The following FANCL variants were observed in gnomAD, a reference collection of about 807,000 sequenced individuals.
The protein encoded by FANCL is FA complementation group L.
A neutral mutation model predicts 59.4 loss-of-function variants in FANCL; 69 were observed. That is an observed-to-expected ratio of 1.16 (90% CI 0.96 to 1.42). The LOEUF (loss-of-function observed/expected upper bound fraction) is 1.42. Among genes scored for constraint, FANCL ranks in the 40% most tolerant of loss-of-function variants. The pLI is 0.00. For synonymous variants in FANCL, 180 were observed against 147.1 expected, an observed-to-expected ratio of 1.22 and a Z score of -1.62; for missense variants, 519 against 447.2, an observed-to-expected ratio of 1.16 and a Z score of -1.45.
chr2:58,221,967 C>G lies in FANCL; in HGVS notation c.349G>C (p.Glu117Gln). The G allele has an allele frequency of 1.2e-6, 2 of 1,612,998 alleles. No individual in the cohort carries two copies. Among genetic ancestry groups the G allele is most frequent in the Non-Finnish European group, 8.5e-7 (1 of 1,179,094 alleles). ...TTATCCCAACCAAGAGTTCCTATCT[C>G]TTCAATAAGGCTTGAGTAGAACTGG... ...PPQFYSSLIE[E>Q]IGTLGWDKLV... is the part of the protein sequence containing the mutation. The change falls in exon 5 of 14, where the codon GAG becomes CAG. Residue 117 changes from glutamate (E) to glutamine (Q), a missense_variant. Glu to Gln is a conservative substitution (Grantham distance 29). Coordinates refer to ENST00000233741, the MANE Select transcript of FANCL (RefSeq NM_018062.4).
chr2:58,208,091 G>A (rs1238932921), intron 5 of FANCL, among the ~76,000 whole-genome samples: 1 of 151,996 alleles, frequency 6.6e-6, no homozygotes. Flanking sequence ...TAAGTTGGAC[G>A]TCTCACTTTA....
chr2:58,171,909 T>C (rs905474767), intron 7 of FANCL, among the ~76,000 whole-genome samples: 2 of 152,160 alleles, frequency 1.3e-5, no homozygotes, highest in African/African-American at 4.8e-5. Flanking sequence ...ACCCCAATAC[T>C]GCGCTTTTCC....
intron 7 of FANCL, among the ~76,000 whole-genome samples, chr2:58,167,423 C>G (rs1353497535): frequency 6.6e-6 from 1 of 151,874 alleles, no homozygotes; most frequent in Non-Finnish European, 1.5e-5. Context: ...CTTTCTCTGT[C>G]TGTTTCTACA....
intron 2 of FANCL, 77 bp from the exon 3 acceptor site, chr2:58,229,951 C>T (rs1358355566): frequency 2.1e-6 from 2 of 950,760 alleles, no homozygotes; most frequent in East Asian, 4.9e-5. Context: ...CACAAACATG[C>T]ATGTACATAC....
intron 7 of FANCL, among the ~76,000 whole-genome samples, chr2:58,172,171 C>G (rs545926923): frequency 0.012 from 1,779 of 152,322 alleles, 31 homozygotes; most frequent in African/African-American, 0.04. Flanking sequence ...TCTGGGGACA[C>G]GGCACAGACA....
intron 7 of FANCL, among the ~76,000 whole-genome samples, chr2:58,193,880 C>CAGTT (rs1255593639): frequency 6.6e-6 from 1 of 152,112 alleles, no homozygotes; most frequent in Non-Finnish European, 1.5e-5. Context: ...AGGCAAAGGG[C>CAGTT]AGTTATGTGA....
At chr2:58,162,986 T>C in intron 10 of FANCL, 39 bp from the exon 11 acceptor site, 3 of 1,612,298 alleles carry the variant, frequency 1.9e-6, no homozygotes, top group Non-Finnish European at 2.5e-6. Flanking sequence ...GTGAACTTTG[T>C]AAAATCACCA....
At position 58,232,048 on chromosome 2, in the gene FANCL, T is replaced by C. The variant is rs1693636304; in HGVS notation, c.155+6A>G. The C allele has an allele frequency of 1.9e-6, 3 of 1,612,638 alleles. No individual in the cohort carries two copies. The highest frequency in any genetic ancestry group is 2.2e-5 in the East Asian group (1 of 44,788). ...AATGCACGTTTATAACTAAACACCA[T>C]ATCACCTTGCATTCTTCAGTTGTAA... On this transcript the variant is annotated splice_donor_region_variant and intron_variant, in intron 2 of 13. Coordinates refer to ENST00000233741, the MANE Select transcript of FANCL (RefSeq NM_018062.4).
intron 5 of FANCL, among the ~76,000 whole-genome samples, chr2:58,214,700 C>T (rs953667622): frequency 5.3e-5 from 8 of 151,896 alleles, no homozygotes; most frequent in African/African-American, 1.2e-4. Flanking sequence ...TTTGTAGACA[C>T]GGGGTTTCAC....
chr2:58,159,492 CAAG>C lies in FANCL; in HGVS notation c.*270_*272del, dbSNP rs747900495. 6.8e-6 allele frequency: 11 copies of C among 1,613,698 alleles called. No individual in the cohort carries two copies. Among genetic ancestry groups the C allele is most frequent in the Non-Finnish European group, 9.3e-6 (11 of 1,179,774 alleles). ...AAGATTTTACCAGTCCAGATATATT[CAAG>C]AAGTCAAGATCTCCATCTTGGTATA... is the stretch of plus-strand genomic sequence containing the variant. On this transcript the variant is annotated 3_prime_UTR_variant, in exon 14 of 14. Transcript: ENST00000233741.
At chr2:58,201,867 T>C (rs559839501) in intron 6 of FANCL, among the ~76,000 whole-genome samples, 6 of 151,730 alleles carry the variant, frequency 4.0e-5, no homozygotes, top group Admixed American at 6.6e-5. Flanking sequence ...CCAGAATAAA[T>C]AGAACAAATG....
At chr2:58,164,933 T>C (rs1421937400) in intron 8 of FANCL, among the ~76,000 whole-genome samples, 2 of 152,090 alleles carry the variant, frequency 1.3e-5, no homozygotes, top group Non-Finnish European at 2.9e-5. Flanking sequence ...ATATTATACC[T>C]AGGTATAAAG....
intron 4 of FANCL, among the ~76,000 whole-genome samples, chr2:58,225,592 A>G (rs1692921484): frequency 6.6e-6 from 1 of 152,044 alleles, no homozygotes; most frequent in African/African-American, 2.4e-5. Flanking sequence ...CCAAGGAACC[A>G]TCAGATACCA....
intron 12 of FANCL, among the ~76,000 whole-genome samples, chr2:58,160,752 A>C (rs1685030217): frequency 6.6e-6 from 1 of 152,022 alleles, no homozygotes; most frequent in South Asian, 2.1e-4. Context: ...GTATTTCTGT[A>C]ATTTCATGAT....
chr2:58,220,514 A>G (rs1289507040), intron 5 of FANCL, among the ~76,000 whole-genome samples: 1 of 152,242 alleles, frequency 6.6e-6, no homozygotes, highest in African/African-American at 2.4e-5. Flanking sequence ...TAATAATCAC[A>G]GTGCATTTTT....
chr2:58,192,109 G>A (rs973964191), intron 7 of FANCL, among the ~76,000 whole-genome samples: 7 of 151,702 alleles, frequency 4.6e-5, no homozygotes, highest in Non-Finnish European at 1.0e-4. Context: ...ATCAGTTAAC[G>A]TACCAATGAA....
At chr2:58,196,372 G>C (rs544084308) in intron 7 of FANCL, among the ~76,000 whole-genome samples, 1 of 152,068 alleles carries the variant, frequency 6.6e-6, no homozygotes, top group South Asian at 2.1e-4. Context: ...TGTCAAATCT[G>C]AGTTGTGATA....
At position 58,159,761 on chromosome 2, in the gene FANCL, T is replaced by C. The variant is rs748597099; in HGVS notation, c.*4A>G. ...GCTCTTCACCGAAATGTTGTATTCT[T>C]ATTTCAGTGTTTCCTTCCAGACATT... On this transcript the variant is annotated 3_prime_UTR_variant, in exon 14 of 14. Coordinates refer to ENST00000233741, the MANE Select transcript of FANCL (RefSeq NM_018062.4). 1 of 1,613,290 alleles carries C rather than the reference T, an allele frequency of 6.2e-7. No individual in the cohort carries two copies. Among genetic ancestry groups the C allele is most frequent in the Non-Finnish European group, 8.5e-7 (1 of 1,179,616 alleles).
chr2:58,159,348 G>A lies in FANCL; in HGVS notation c.*417C>T, dbSNP rs1276164451. The A allele has an allele frequency of 1.3e-6, 2 of 1,590,854 alleles. No homozygotes were observed. Among genetic ancestry groups the A allele is most frequent in the Non-Finnish European group, 1.7e-6 (2 of 1,172,048 alleles). On this transcript the variant is annotated 3_prime_UTR_variant, in exon 14 of 14. Transcript: ENST00000233741. ...AAACTATATATGTATTTTTTCCATA[G>A]GAAAGCACAAGGAGAAGACAGAAAT...
Sources: gnomAD v4.1 joint callset for allele counts (sites outside exome capture counted in the v4.1 genomes callset) on GRCh38, gnomAD v4.1.1 for gene constraint, MANE v1.5 for transcripts, NCBI Gene and HGNC (gene_info 2026-07-23, HGNC 2026-07-21) for gene names.